Variants in ZNF236 observed in about 807,000 individuals in gnomAD.
ZNF236 encodes the protein regulated by glucose.
A neutral mutation model predicts 191.2 loss-of-function variants in ZNF236; 50 were observed. That is an observed-to-expected ratio of 0.26 (90% confidence interval 0.21 to 0.33). The LOEUF is 0.33. Ranked by LOEUF, ZNF236 falls within the 10% of genes least tolerant of loss-of-function variation. The pLI, the probability that ZNF236 is intolerant of heterozygous loss-of-function variation, is 1.00. For synonymous variants in ZNF236, 907 were observed against 928.8 expected, an observed-to-expected ratio of 0.98 and a Z score of 0.43; for missense variants, 1,754 against 2,374.5, an observed-to-expected ratio of 0.74 and a Z score of 5.43.
In ZNF236 at chr18:76,935,856, C is replaced by T. The variant is rs1967978384; in HGVS notation, c.4595-1300C>T. 5 of 388,178 alleles carry T rather than the reference C, an allele frequency of 1.3e-5. No homozygotes were observed. The Admixed American group carries it at 1.5e-4, about 12-fold the overall frequency. 24.0% of individuals were successfully genotyped at this position (388,178 alleles called of 1,614,324 possible). ...CCACAAGGCCACACTCCTCGGGCTC[C>T]CACCAGCACTCTGTGCGGATGCTGG... On this transcript the variant is annotated intron_variant, in intron 25 of 30. Transcript: ENST00000320610.
chr18:76,823,904 T>G (rs1974943231), intron 1 of ZNF236, among the ~76,000 whole-genome samples: 1 of 152,160 alleles, frequency 6.6e-6, no homozygotes. Flanking sequence ...CCTGCAGGCC[T>G]GGTCCCTGGT....
rs1968855932 is a variant in ZNF236 at position 76,969,088 on chromosome 18, G to A, written c.*749G>A. On this transcript the variant is annotated 3_prime_UTR_variant, in exon 31 of 31. Transcript: ENST00000320610. ...TGTTCAGGTCCAGGGTTACATAATT[G>A]CAGAAGCACAAGCCATACATCGCAG... is the stretch of plus-strand genomic sequence containing the variant. The A allele has an allele frequency of 4.6e-6, 3 of 657,448 alleles. No homozygotes were observed. Among genetic ancestry groups the A allele is most frequent in the Non-Finnish European group, 5.7e-6 (3 of 529,902 alleles). The allele number at this position is 657,448 out of a possible 1,614,324, so 40.7% of individuals were successfully genotyped here. A position where few individuals can be genotyped will look rare whatever the true frequency, so the allele number is the denominator to read the frequency against.
Position 76,925,517 on chromosome 18 carries a change from A to T in ZNF236, c.3990A>T (p.Gly1330=), listed in dbSNP as rs948894813. The T allele has an allele frequency of 4.3e-6, 7 of 1,613,916 alleles. No individual in the cohort carries two copies. The South Asian group carries it at 4.4e-5, about 10-fold the overall frequency. The change falls in exon 22 of 31, where the codon GGA becomes GGT. Residue 1330 remains glycine, a synonymous_variant. Coordinates refer to ENST00000320610, the MANE Select transcript of ZNF236 (RefSeq NM_001306089.2). The surrounding 1 kb of genome is among the most constrained non-coding windows in gnomAD (Gnocchi z 5.7). ...GQFDQNLLQP[G]LVGQAILPAS... ...TTGATCAGAATCTGCTGCAACCAGG[A>T]CTGGTGGGCCAAGCTATTCTCCCTG...
At chr18:76,857,086 C>T (rs1424132251) in intron 3 of ZNF236, among the ~76,000 whole-genome samples, 2 of 151,990 alleles carry the variant, frequency 1.3e-5, no homozygotes, top group Non-Finnish European at 2.9e-5. Flanking sequence ...GCAGGGCTTC[C>T]CCATGTCCCC....
intron 1 of ZNF236, among the ~76,000 whole-genome samples, chr18:76,846,406 G>A (rs533127236): frequency 2.6e-5 from 4 of 152,328 alleles, no homozygotes; most frequent in East Asian, 3.9e-4. Context: ...GAAAGCAAGC[G>A]AAGTGGGGGC....
chr18:76,886,552 C>T (rs901429497), intron 9 of ZNF236: 1 of 190,146 alleles, frequency 5.3e-6, no homozygotes, highest in Non-Finnish European at 1.1e-5. Context: ...TATAGCAAGC[C>T]TGCTGCTCCT....
chr18:76,934,200 C>T (rs960501564), intron 25 of ZNF236, among the ~76,000 whole-genome samples: 6 of 152,148 alleles, frequency 3.9e-5, no homozygotes, highest in Non-Finnish European at 5.9e-5. Context: ...TAGGGATTTG[C>T]GATGAATCCA....
chr18:76,927,342 G>A lies in ZNF236; in HGVS notation c.4239G>A (p.Gly1413=), dbSNP rs1262909256. Residue 1413 remains glycine, a synonymous_variant, in exon 24 of 31, where the codon GGG becomes GGA. Coordinates refer to ENST00000320610, the MANE Select transcript of ZNF236 (RefSeq NM_001306089.2). This position sits in a 1 kb window ranked among gnomAD's most constrained non-coding sequence, Gnocchi z 5.4. Reference sequence around the variant, plus strand: ...ACCTATTGGCTCAGCAGCTCACGGGGGAGCCTGGCCTGGCCCCACAGAACA... The same window carrying A: ...ACCTATTGGCTCAGCAGCTCACGGGAGAGCCTGGCCTGGCCCCACAGAACA... ...QGNLLAQQLT[G]EPGLAPQNSS... is the part of the protein sequence containing the mutation. 1 of 1,614,202 alleles carries A rather than the reference G, an allele frequency of 6.2e-7. No homozygotes were observed. Among genetic ancestry groups the A allele is most frequent in the Non-Finnish European group, 8.5e-7 (1 of 1,180,046 alleles).
At position 76,971,106 on chromosome 18, in the gene ZNF236, C is replaced by A. The variant is rs1968902161; in HGVS notation, c.*2767C>A. The stretch of plus-strand genomic sequence containing the variant: ...GCACTGAAGCTGAAAGAATGAATTG[C>A]CTTTGCAAAGATACCAAACGTGAAG... On this transcript the variant is annotated 3_prime_UTR_variant, in exon 31 of 31. Coordinates refer to ENST00000320610, the MANE Select transcript of ZNF236 (RefSeq NM_001306089.2). 6.6e-6 allele frequency among the ~76,000 whole-genome samples: 1 copy of A among 152,236 alleles called. No homozygotes were observed. Among genetic ancestry groups the A allele is most frequent in the South Asian group, 2.1e-4 (1 of 4,836 alleles).
chr18:76,943,810 T>C (rs944658003), intron 26 of ZNF236, among the ~76,000 whole-genome samples: 1 of 152,228 alleles, frequency 6.6e-6, no homozygotes, highest in Non-Finnish European at 1.5e-5. Flanking sequence ...CTTCTACAAG[T>C]CGTTCATATT....
intron 5 of ZNF236, among the ~76,000 whole-genome samples, chr18:76,874,111 T>C (rs1444922803): frequency 1.3e-5 from 2 of 151,948 alleles, no homozygotes; most frequent in Admixed American, 6.6e-5. Context: ...CCTCCTCTCC[T>C]GTCCCCATGC....
intron 25 of ZNF236, among the ~76,000 whole-genome samples, chr18:76,932,734 G>C (rs1334397714): frequency 2.6e-5 from 4 of 152,222 alleles, no homozygotes; most frequent in African/African-American, 9.6e-5. Context: ...CATTGATGGA[G>C]AGACAAGTTG....
chr18:76,853,103 A>G (rs1468228236), intron 3 of ZNF236, among the ~76,000 whole-genome samples: 1 of 148,412 alleles, frequency 6.7e-6, no homozygotes, highest in Non-Finnish European at 1.5e-5. Flanking sequence ...TTTGAGATGG[A>G]GTTTCGCTTT....
At chr18:76,871,352 A>G (rs1218601231) in intron 4 of ZNF236, among the ~76,000 whole-genome samples, 1 of 151,988 alleles carries the variant, frequency 6.6e-6, no homozygotes, top group Non-Finnish European at 1.5e-5. Flanking sequence ...AGACTGGAGG[A>G]GGTGGTGTGG....
chr18:76,968,010 C>T lies in ZNF236; in HGVS notation c.5420-205C>T, dbSNP rs190612735. On this transcript the variant is annotated intron_variant, in intron 30 of 30. Transcript: ENST00000320610. ...ACTCATATCACCAGTGCTGTGTGTGCGTTCATACTCCTAACAGTAACTACT... is the reference window on the plus strand; with the variant it reads ...ACTCATATCACCAGTGCTGTGTGTGTGTTCATACTCCTAACAGTAACTACT... Among the ~76,000 whole-genome samples, 3 of 152,168 alleles carry T rather than the reference C, an allele frequency of 2.0e-5. No homozygotes were observed. In the East Asian group the frequency reaches 5.8e-4, roughly 29 times the overall value.
At chr18:76,895,448 G>A (rs773171229) in intron 10 of ZNF236, 163 bp downstream of exon 10, 44 of 1,023,892 alleles carry the variant, frequency 4.3e-5, no homozygotes, top group Non-Finnish European at 5.7e-5. Context: ...AGTACTGCAC[G>A]TAAGTGTGGC....
intron 30 of ZNF236, among the ~76,000 whole-genome samples, chr18:76,967,592 G>A (rs112623903): frequency 4.2e-4 from 2 of 4,724 alleles, no homozygotes; most frequent in Admixed American, 3.0e-3. Flanking sequence ...TTTGTGATTT[G>A]GTTGTTGGAG....
chr18:76,864,590 A>G (rs931124079), intron 3 of ZNF236, among the ~76,000 whole-genome samples: 2 of 151,792 alleles, frequency 1.3e-5, no homozygotes, highest in African/African-American at 4.8e-5. Context: ...AAGTAAGAAT[A>G]CAAAATTGGG....
intron 27 of ZNF236, among the ~76,000 whole-genome samples, chr18:76,954,645 C>T (rs561417810): frequency 6.6e-6 from 1 of 152,260 alleles, no homozygotes; most frequent in East Asian, 1.9e-4. Flanking sequence ...CCTATAGATA[C>T]TCACCTGTAG....
Sources: allele counts gnomAD v4.1 joint callset (sites outside exome capture counted in the v4.1 genomes callset), GRCh38; gene constraint gnomAD v4.1.1; non-coding constraint Gnocchi (gnomAD v3.1); transcripts MANE v1.5; gene names NCBI Gene and HGNC (gene_info 2026-07-23, HGNC 2026-07-21).